The following SSPN variants were observed in gnomAD, a reference collection of about 807,000 sequenced individuals.
SSPN encodes the protein K-ras oncogene-associated protein.
In SSPN, 15 loss-of-function variants were observed where a neutral mutation model predicts 19.1. The observed-to-expected ratio is 0.78, with a 90% CI of 0.52 to 1.21. The LOEUF is 1.21. Among genes scored for constraint, SSPN ranks in the 50% most tolerant of loss-of-function variants. The pLI, the probability that SSPN is intolerant of heterozygous loss-of-function variation, is 0.00. For missense variants in SSPN, 291 were observed against 314.0 expected (o/e 0.93, Z 0.55); for synonymous variants, 147 against 140.3 (o/e 1.05, Z -0.34).
intron 1 of SSPN, among the ~76,000 whole-genome samples, chr12:26,201,449 A>C (rs1258731670): frequency 2.0e-5 from 3 of 152,068 alleles, no homozygotes; most frequent in Non-Finnish European, 4.4e-5. Flanking sequence ...TAGAATAAAG[A>C]ATAAGATAGG....
intron 1 of SSPN, chr12:26,125,582 C>T (rs1944357003): frequency 6.5e-6 from 1 of 152,676 alleles, no homozygotes; most frequent in South Asian, 2.1e-4. Flanking sequence ...CAATCCGCTC[C>T]TTGAAGGATT....
intron 1 of SSPN, among the ~76,000 whole-genome samples, chr12:26,182,650 T>C (rs1944727185): frequency 8.4e-6 from 1 of 118,730 alleles, no homozygotes; most frequent in Non-Finnish European, 1.7e-5. Context: ...TTCCCTTCCC[T>C]CCCCTCCAGT....
chr12:26,131,981 T>C (rs74365709), intron 1 of SSPN, among the ~76,000 whole-genome samples: 5,930 of 152,210 alleles, frequency 0.039, 153 homozygotes, highest in South Asian at 0.069. Context: ...CCTGAGAGGA[T>C]CTCCTATCCA....
intron 2 of SSPN, among the ~76,000 whole-genome samples, chr12:26,225,070 C>T (rs767267906): frequency 7.3e-4 from 111 of 152,194 alleles, no homozygotes; most frequent in Admixed American, 1.2e-3. Context: ...CAAATTCCTT[C>T]ATTTTCTCTC....
intron 1 of SSPN, among the ~76,000 whole-genome samples, chr12:26,150,440 T>G (rs913676198): frequency 6.6e-6 from 1 of 152,258 alleles, no homozygotes. Flanking sequence ...ATTATTTTTT[T>G]CATTTAAGCT....
intron 1 of SSPN, among the ~76,000 whole-genome samples, chr12:26,199,001 C>T (rs1944855184): frequency 6.6e-6 from 1 of 152,214 alleles, no homozygotes; most frequent in South Asian, 2.1e-4. Flanking sequence ...CCCACGCTGT[C>T]TACAACTTTC....
intron 1 of SSPN, among the ~76,000 whole-genome samples, chr12:26,150,202 A>C (rs1305489263): frequency 2.6e-5 from 4 of 152,094 alleles, no homozygotes; most frequent in Admixed American, 2.6e-4. Flanking sequence ...AATGGGTTTG[A>C]CTCCGGAGCA....
At chr12:26,165,104 A>G (rs1429583670) in intron 1 of SSPN, among the ~76,000 whole-genome samples, 1 of 152,210 alleles carries the variant, frequency 6.6e-6, no homozygotes, top group Non-Finnish European at 1.5e-5. Flanking sequence ...TTTTTGAACT[A>G]GTATTTTTAA....
At position 26,124,683 on chromosome 12, in the gene SSPN, C is replaced by T. The variant is rs765115235; in HGVS notation, c.-31+2531C>T. 37 of 1,613,744 alleles carry T rather than the reference C, an allele frequency of 2.3e-5. No homozygotes were observed. The South Asian group carries it at 3.8e-4, about 17-fold the overall frequency. On this transcript the variant is annotated intron_variant, in intron 1 of 2. Transcript: ENST00000538142. ...GAGAAGAAAAAAATCAAACCAAAGC[C>T]TAGACAGATATTCGCAAGGGTGCGT...
intron 1 of SSPN, among the ~76,000 whole-genome samples, chr12:26,186,478 A>G (rs1013871884): frequency 6.6e-6 from 1 of 152,244 alleles, no homozygotes; most frequent in African/African-American, 2.4e-5. Context: ...AATAGACACC[A>G]TATAAAATAT....
rs544503553 is a variant in SSPN, at chr12:26,202,841, A to T, written c.279+6890A>T. The stretch of plus-strand genomic sequence containing the variant: ...ATATATGTTTCTATGTTACTGTAGG[A>T]TAGTGTATTAGTCTGTTCTCACGCT... On this transcript the variant is annotated intron_variant, in intron 1 of 2. Transcript: ENST00000242729. Among the ~76,000 whole-genome samples the T allele has an allele frequency of 3.9e-5, 6 of 152,324 alleles. No homozygotes were observed. The South Asian group carries it at 1.2e-3, about 32-fold the overall frequency.
chr12:26,185,466 C>A (rs745821990), intron 1 of SSPN, among the ~76,000 whole-genome samples: 11 of 152,276 alleles, frequency 7.2e-5, no homozygotes, highest in African/African-American at 1.9e-4. Flanking sequence ...GGTATTTAGT[C>A]GGTCAGCTCT....
intron 1 of SSPN, among the ~76,000 whole-genome samples, chr12:26,163,009 T>C (rs1301156767): frequency 2.7e-5 from 4 of 150,914 alleles, no homozygotes. Flanking sequence ...CACAGTGTGC[T>C]TCAAGACGTG....
intron 1 of SSPN, among the ~76,000 whole-genome samples, chr12:26,141,088 T>A (rs1399140654): frequency 6.6e-5 from 10 of 152,188 alleles, no homozygotes; most frequent in Non-Finnish European, 1.5e-5. Context: ...TTACCTTACA[T>A]AGCACAAGAA....
At chr12:26,131,866 T>A (rs955403771) in intron 1 of SSPN, among the ~76,000 whole-genome samples, 1 of 152,234 alleles carries the variant, frequency 6.6e-6, no homozygotes, top group East Asian at 1.9e-4. Flanking sequence ...TTGTCTGTTG[T>A]CATGTAGTAA....
chr12:26,137,320 C>CAA (rs1273565376), intron 1 of SSPN, among the ~76,000 whole-genome samples: 1 of 152,118 alleles, frequency 6.6e-6, no homozygotes, highest in Non-Finnish European at 1.5e-5. Context: ...AAAACCCAGA[C>CAA]AAAAATTCAG....
chr12:26,205,976 T>G (rs1164686619), intron 1 of SSPN, among the ~76,000 whole-genome samples: 2 of 152,190 alleles, frequency 1.3e-5, no homozygotes, highest in Non-Finnish European at 2.9e-5. Context: ...ATTAAGGGCT[T>G]GAGACCAACT....
chr12:26,225,989 T>C (rs1425256958), intron 2 of SSPN, among the ~76,000 whole-genome samples: 1 of 142,580 alleles, frequency 7.0e-6, no homozygotes, highest in South Asian at 2.2e-4. Flanking sequence ...AGAAAAAAAA[T>C]AGAAAAAAAA....
intron 1 of SSPN, chr12:26,125,117 G>A (rs899619764): frequency 4.6e-6 from 2 of 432,578 alleles, no homozygotes; most frequent in South Asian, 4.5e-5. Context: ...CAGCCCGGAG[G>A]GGGGCGGGGG....
Sources: allele counts gnomAD v4.1 joint callset (sites outside exome capture counted in the v4.1 genomes callset), GRCh38; gene constraint gnomAD v4.1.1; transcripts MANE v1.5; gene names NCBI Gene and HGNC (gene_info 2026-07-23, HGNC 2026-07-21).